ACOT11: variants seen among roughly 807,000 people sequenced by gnomAD.
The protein encoded by ACOT11 is acyl-CoA thioesterase 11, also known as acyl-coenzyme A thioesterase 11.
Under a neutral mutation model 77.5 loss-of-function variants are expected in ACOT11, and 69 were observed. The observed-to-expected ratio is 0.89, with a 90% CI of 0.73 to 1.09. The LOEUF (loss-of-function observed/expected upper bound fraction) is 1.09. Ranked by LOEUF, ACOT11 falls within the 50% of genes least tolerant of loss-of-function variation. The pLI is 0.00. For synonymous variants in ACOT11, 279 were observed against 313.0 expected, an observed-to-expected ratio of 0.89 and a Z score of 1.15; for missense variants, 766 against 813.7, an observed-to-expected ratio of 0.94 and a Z score of 0.71.
At chr1:54,548,553 C>T (rs1569620279) in intron 1 of ACOT11, 7 of 642,098 alleles carry the variant, frequency 1.1e-5, no homozygotes, top group Non-Finnish European at 1.9e-5. Flanking sequence ...GCTGTCAGAT[C>T]CCCCACGGGC....
At chr1:54,626,840 T>C (rs1014048221) in intron 15 of ACOT11, among the ~76,000 whole-genome samples, 4 of 133,512 alleles carry the variant, frequency 3.0e-5, no homozygotes, top group African/African-American at 1.0e-4. Flanking sequence ...GACACTCTTA[T>C]GAAGGAGGCA....
chr1:54,614,972 G>C, downstream of ACOT11: 3 of 774,640 alleles, frequency 3.9e-6, no homozygotes, highest in Non-Finnish European at 5.9e-6. Flanking sequence ...GTGCACAGTG[G>C]AGTCAGGGGA....
At chr1:54,620,785 G>A (rs1214160432) in intron 15 of ACOT11, among the ~76,000 whole-genome samples, 1 of 140,166 alleles carries the variant, frequency 7.1e-6, no homozygotes, top group African/African-American at 2.7e-5. Flanking sequence ...AGAGGTGGAG[G>A]TTGTAGTGAG....
At position 54,594,647 on chromosome 1, in the gene ACOT11, C is replaced by T. The variant is rs1485691855; in HGVS notation, c.563C>T (p.Ala188Val). The T allele has an allele frequency of 2.5e-6, 4 of 1,613,920 alleles. No individual in the cohort carries two copies. Among genetic ancestry groups the T allele is most frequent in the South Asian group, 1.1e-5 (1 of 91,056 alleles). The part of the protein sequence containing the change: ...AERRRMRLVY[A>V]DTIKDLLANC... ...CGCCGGCGCATGCGCCTTGTCTATG[C>T]AGACACCATCAAGGACCTCCTGGCC... The change falls in exon 6 of 16, where the codon GCA becomes GTA. Residue 188 changes from alanine to valine, a missense_variant. Transcript: ENST00000343744.
chr1:54,607,885 G>A lies in ACOT11; in HGVS notation c.1503-57G>A. 6.2e-7 allele frequency: 1 copy of A among 1,607,134 alleles called. No homozygotes were observed. The highest frequency in any genetic ancestry group is 8.5e-7 in the Non-Finnish European group (1 of 1,175,908). On this transcript the variant is annotated intron_variant, in intron 14 of 15. Transcript: ENST00000343744. This position sits in a 1 kb window ranked among gnomAD's most constrained non-coding sequence, Gnocchi z 4.5. ...TCTCGGCCTTGGTTGGGCAGAACAG[G>A]CCCCCACTTTCTTCTGTGGCTGACC...
intron 3 of ACOT11, among the ~76,000 whole-genome samples, chr1:54,589,671 G>GA (rs1042294652): frequency 7.2e-5 from 11 of 151,834 alleles, no homozygotes; most frequent in Non-Finnish European, 1.5e-4. Flanking sequence ...TTTTTTTGTA[G>GA]AGATGAGGTC....
intron 1 of ACOT11, among the ~76,000 whole-genome samples, chr1:54,569,165 T>C (rs1456073236): frequency 6.6e-6 from 1 of 151,714 alleles, no homozygotes; most frequent in Non-Finnish European, 1.5e-5. Context: ...TCTTGCTCTC[T>C]TGCCCAAGTT....
chr1:54,609,587 C>T lies in ACOT11; in HGVS notation c.*475C>T, dbSNP rs1240285704. 6.2e-7 allele frequency: 1 copy of T among 1,612,988 alleles called. No homozygotes were observed. On this transcript the variant is annotated 3_prime_UTR_variant, in exon 16 of 16. Coordinates refer to ENST00000343744, the MANE Select transcript of ACOT11 (RefSeq NM_147161.4). ...GCCACTGCCCAGCACCTCCTCAGGC[C>T]AGCCTGGTGCCACAGTCACGTGGGG...
chr1:54,635,389 C>T, exon 17 of ACOT11: 1 of 298,668 alleles, frequency 3.3e-6, no homozygotes, highest in South Asian at 3.0e-5. Flanking sequence ...GGTATAGTGG[C>T]ACCTCAACCT....
exon 16 of ACOT11, chr1:54,630,796 G>T (rs1644295118): frequency 2.6e-6 from 2 of 769,472 alleles, no homozygotes; most frequent in East Asian, 2.4e-5. Flanking sequence ...ATTCCTGGGG[G>T]CTCGAATCCA....
intron 1 of ACOT11, among the ~76,000 whole-genome samples, chr1:54,567,836 C>T (rs1298856197): frequency 2.0e-5 from 3 of 152,166 alleles, no homozygotes; most frequent in Admixed American, 1.3e-4. Context: ...TGCAGTGGCC[C>T]GCTGAGCAGT....
chr1:54,623,423 ACTCCGTGCGGCCCAGAGT>A, intron 15 of ACOT11: 1 of 1,569,716 alleles, frequency 6.4e-7, no homozygotes, highest in South Asian at 1.1e-5. Context: ...AATGCCCCCA[ACTCCGTGCGGCCCAGAGT>A]CCCTGAGGCT....
At chr1:54,583,175 C>A (rs1353767288) in intron 1 of ACOT11, among the ~76,000 whole-genome samples, 2 of 152,154 alleles carry the variant, frequency 1.3e-5, no homozygotes, top group South Asian at 4.1e-4. Context: ...CAGGCCTCCA[C>A]CCTGGCTGAG....
At chr1:54,598,535 GGGATGGGACCAGGGTAGAAGGCTGGC>G (rs1643915028) in intron 7 of ACOT11, 1 of 152,228 alleles carries the variant, frequency 6.6e-6, no homozygotes, top group Non-Finnish European at 1.5e-5. Flanking sequence ...GCTGCGTCTG[GGGATGGGACCAGGGTAGAAGGCTGGC>G]CCAAGCTGGC....
intron 1 of ACOT11, among the ~76,000 whole-genome samples, chr1:54,560,438 T>C (rs1020534403): frequency 3.5e-4 from 54 of 152,312 alleles, no homozygotes; most frequent in African/African-American, 1.0e-3. Context: ...GTAATATGTA[T>C]ATCCTGCCTA....
chr1:54,618,302 G>A (rs1043721326), intron 15 of ACOT11, among the ~76,000 whole-genome samples: 5 of 152,176 alleles, frequency 3.3e-5, no homozygotes, highest in African/African-American at 9.6e-5. Context: ...TTAGGAGTTC[G>A]AGACTAGCCT....
rs370417244 is a variant in ACOT11 at position 54,601,409 on chromosome 1, C to A, written c.1025C>A (p.Pro342His). ...TTGCTGCCCTGGATTCGGCCCCAGC[C>A]CGGCGTAAGTGGGACCAGCGCCCTG... ...PQLLPWIRPQ[P>H]GDGERRYREA... Residue 342 changes from proline to histidine, a missense_variant, in exon 9 of 16, where the codon CCC (proline) becomes CAC (histidine). Pro to His is a moderately conservative substitution (Grantham distance 77, BLOSUM62 -2). Coordinates refer to ENST00000343744, the MANE Select transcript of ACOT11 (RefSeq NM_147161.4). The A allele has an allele frequency of 6.2e-7, 1 of 1,612,008 alleles. No individual in the cohort carries two copies. The highest frequency in any genetic ancestry group is 1.1e-5 in the South Asian group (1 of 91,054).
chr1:54,628,592 C>T lies in ACOT11; in HGVS notation c.1630-2142C>T, dbSNP rs536892784. On this transcript the variant is annotated intron_variant, in intron 15 of 16. Coordinates refer to the ACOT11 transcript ENST00000371316. ...CCTGGGCATCAGAGCAAGACCCCAT[C>T]GCCCCCCCCCCCCAAAAAAGGAAAA... Among the ~76,000 whole-genome samples, 39 of 99,848 alleles carry T rather than the reference C, an allele frequency of 3.9e-4. 2 individuals are homozygous for T. The South Asian group carries it at 0.014, about 37-fold the overall frequency. 65.5% of individuals were successfully genotyped at this position (99,848 alleles called of 152,430 possible).
chr1:54,604,964 C>A, intron 12 of ACOT11, 112 bp from the exon 13 acceptor site: 1 of 1,149,688 alleles, frequency 8.7e-7, no homozygotes, highest in Non-Finnish European at 1.2e-6. Flanking sequence ...GCTGCGTGTT[C>A]ACATTCACAC....
Sources: gnomAD v4.1 joint callset for allele counts (sites outside exome capture counted in the v4.1 genomes callset) on GRCh38, gnomAD v4.1.1 for gene constraint, Gnocchi (gnomAD v3.1) non-coding constraint, MANE v1.5 for transcripts, NCBI Gene and HGNC (gene_info 2026-07-23, HGNC 2026-07-21) for gene names.